CDH18: variants seen among roughly 807,000 people sequenced by gnomAD.
CDH18 encodes the protein cadherin-18.
In CDH18, 31 loss-of-function variants were observed where a neutral mutation model predicts 67.9. That is an observed-to-expected ratio of 0.46 (90% CI 0.34 to 0.62). The LOEUF (loss-of-function observed/expected upper bound fraction) is 0.62. Among genes scored for constraint, CDH18 ranks in the 20% least tolerant of loss-of-function variants. The pLI, the probability that CDH18 is intolerant of heterozygous loss-of-function variation, is 0.01. For synonymous variants in CDH18, 362 were observed against 347.2 expected, an observed-to-expected ratio of 1.04 and a Z score of -0.48; for missense variants, 890 against 975.5, an observed-to-expected ratio of 0.91 and a Z score of 1.17.
At chr5:20,002,399 C>T (rs1165752887) in intron 2 of CDH18, among the ~76,000 whole-genome samples, 4 of 152,124 alleles carry the variant, frequency 2.6e-5, no homozygotes, top group Non-Finnish European at 4.4e-5. Context: ...TGGTTCATTG[C>T]CTTTAATAAG....
At chr5:20,396,368 T>C (rs1745278424) in intron 1 of CDH18, among the ~76,000 whole-genome samples, 1 of 150,716 alleles carries the variant, frequency 6.6e-6, no homozygotes, top group Non-Finnish European at 1.5e-5. Context: ...TTTTTTCTTT[T>C]CTCTCTTAAA....
intron 5 of CDH18, among the ~76,000 whole-genome samples, chr5:19,650,862 T>C (rs1755474168): frequency 6.6e-6 from 1 of 152,034 alleles, no homozygotes; most frequent in African/African-American, 2.4e-5. Flanking sequence ...TTACAATGCA[T>C]TAAATTCTCA....
At chr5:20,488,698 T>TAC (rs1465484348) in intron 1 of CDH18, among the ~76,000 whole-genome samples, 84 of 126,036 alleles carry the variant, frequency 6.7e-4, no homozygotes, top group East Asian at 2.6e-3. Flanking sequence ...TATATATATA[T>TAC]ATACACACAC....
At chr5:20,185,886 C>A (rs910164994) in intron 2 of CDH18, among the ~76,000 whole-genome samples, 1 of 151,368 alleles carries the variant, frequency 6.6e-6, no homozygotes, top group Non-Finnish European at 1.5e-5. Context: ...CCGTGTGATG[C>A]ATAGTGTCTG....
chr5:20,151,634 C>T (rs1036477373), intron 2 of CDH18, among the ~76,000 whole-genome samples: 2 of 152,112 alleles, frequency 1.3e-5, no homozygotes, highest in African/African-American at 2.4e-5. Context: ...TCTCTGCAGC[C>T]TCTCCAGCAT....
At chr5:19,526,925 T>C in intron 9 of CDH18, among the ~76,000 whole-genome samples, 1 of 151,996 alleles carries the variant, frequency 6.6e-6, no homozygotes, top group East Asian at 1.9e-4. Context: ...ATCACATTTA[T>C]AGCTGTCTAA....
At chr5:19,909,878 T>A (rs1790939915) in intron 2 of CDH18, among the ~76,000 whole-genome samples, 2 of 152,154 alleles carry the variant, frequency 1.3e-5, no homozygotes, top group South Asian at 4.1e-4. Flanking sequence ...TCCTTTATTC[T>A]TTTTTGGTGA....
At chr5:19,895,036 A>G (rs371939078) in intron 2 of CDH18, among the ~76,000 whole-genome samples, 5 of 152,176 alleles carry the variant, frequency 3.3e-5, no homozygotes, top group African/African-American at 9.6e-5. Context: ...TTTTAATGGA[A>G]CCTTGGATCT....
chr5:20,116,780 T>C (rs950575297), intron 2 of CDH18, among the ~76,000 whole-genome samples: 3 of 152,104 alleles, frequency 2.0e-5, no homozygotes, highest in African/African-American at 7.2e-5. Flanking sequence ...AGGCTGCATA[T>C]GGAAACAGGA....
chr5:19,798,644 T>G (rs1390214176), intron 3 of CDH18, among the ~76,000 whole-genome samples: 2 of 152,098 alleles, frequency 1.3e-5, no homozygotes, highest in Admixed American at 1.3e-4. Context: ...TCCATGCTTT[T>G]AACAGAATTA....
chr5:20,446,619 C>T (rs1367332167), intron 1 of CDH18, among the ~76,000 whole-genome samples: 4 of 152,200 alleles, frequency 2.6e-5, no homozygotes, highest in Non-Finnish European at 4.4e-5. Context: ...ATTATGCCAA[C>T]TAAATAGCAG....
chr5:20,405,734 T>C (rs980771409), intron 1 of CDH18, among the ~76,000 whole-genome samples: 2 of 151,990 alleles, frequency 1.3e-5, no homozygotes, highest in Admixed American at 1.3e-4. Context: ...CTCAAACAAA[T>C]TTACAAGAAA....
At chr5:20,336,808 T>C (rs1319375588) in intron 1 of CDH18, among the ~76,000 whole-genome samples, 1 of 146,894 alleles carries the variant, frequency 6.8e-6, no homozygotes, top group East Asian at 2.0e-4. Flanking sequence ...CTAACTTAGG[T>C]GCAGCCACAA....
intron 3 of CDH18, among the ~76,000 whole-genome samples, chr5:19,766,961 T>C (rs1286846318): frequency 6.6e-6 from 1 of 152,068 alleles, no homozygotes; most frequent in East Asian, 1.9e-4. Context: ...AGGAGCCAAA[T>C]TTCATTCATT....
chr5:19,953,499 C>T (rs1456261695), intron 2 of CDH18, among the ~76,000 whole-genome samples: 6 of 151,628 alleles, frequency 4.0e-5, no homozygotes, highest in Admixed American at 6.6e-5. Flanking sequence ...TATTCATGGG[C>T]ATTATTGGTA....
At chr5:19,817,527 TAG>T (rs775825010) in intron 3 of CDH18, among the ~76,000 whole-genome samples, 35 of 152,008 alleles carry the variant, frequency 2.3e-4, no homozygotes, top group Non-Finnish European at 4.6e-4. Flanking sequence ...AGTAGTGAGG[TAG>T]AGACTTCCAA....
intron 5 of CDH18, among the ~76,000 whole-genome samples, chr5:19,635,744 T>G (rs964759455): frequency 6.6e-6 from 1 of 152,122 alleles, no homozygotes; most frequent in Non-Finnish European, 1.5e-5. Context: ...TATTTTACTT[T>G]CTTTAGTTAC....
At chr5:20,574,267 CTATT>C (rs964827575) in intron 1 of CDH18, among the ~76,000 whole-genome samples, 2 of 151,930 alleles carry the variant, frequency 1.3e-5, no homozygotes, top group East Asian at 1.9e-4. Context: ...ACAAAAACAA[CTATT>C]TAGAGTATGT....
chr5:20,256,260 G>T (rs923159611), intron 1 of CDH18, among the ~76,000 whole-genome samples: 1 of 152,028 alleles, frequency 6.6e-6, no homozygotes, highest in Non-Finnish European at 1.5e-5. Flanking sequence ...AGGTAAAAAT[G>T]TGTTCTCAGA....
Sources: allele counts gnomAD v4.1 joint callset (sites outside exome capture counted in the v4.1 genomes callset), GRCh38; gene constraint gnomAD v4.1.1; transcripts MANE v1.5; gene names NCBI Gene and HGNC (gene_info 2026-07-23, HGNC 2026-07-21).